Variants in VRK1 observed in about 807,000 individuals in gnomAD.
VRK1 encodes serine/threonine-protein kinase VRK1.
In VRK1, 33 loss-of-function variants were observed where a neutral mutation model predicts 57.1. That is an observed-to-expected ratio of 0.58 (90% confidence interval 0.44 to 0.77). The LOEUF (loss-of-function observed/expected upper bound fraction) is 0.77. VRK1 is among the 30% of genes least tolerant of loss of function. The pLI is 0.00. For synonymous variants in VRK1, 137 were observed against 147.8 expected (o/e 0.93, Z 0.53); for missense variants, 413 against 477.3 (o/e 0.87, Z 1.25).
chr14:96,814,539 T>C (rs1409279680), intron 1 of VRK1, among the ~76,000 whole-genome samples: 2 of 152,158 alleles, frequency 1.3e-5, no homozygotes, highest in Non-Finnish European at 2.9e-5. Flanking sequence ...ATAATAAATT[T>C]AGACAATATA....
intron 11 of VRK1, among the ~76,000 whole-genome samples, chr14:96,867,417 T>C (rs1189198661): frequency 2.0e-5 from 3 of 152,068 alleles, no homozygotes; most frequent in Admixed American, 1.3e-4. Context: ...GCTTCTTGCC[T>C]TTCTCTTTGT....
In VRK1 at chr14:96,833,497, C is replaced by T. The variant is rs771269721; in HGVS notation, c.26C>T (p.Ala9Val). 4.3e-6 allele frequency: 7 copies of T among 1,613,618 alleles called. No homozygotes were observed. Among genetic ancestry groups the T allele is most frequent in the Admixed American group, 3.3e-5 (2 of 59,990 alleles). Residue 9 changes from alanine to valine, a missense_variant, in exon 2 of 13, where the codon GCT becomes GTT. By Grantham distance (64) the Ala-to-Val change is moderately conservative. Coordinates refer to ENST00000216639, the MANE Select transcript of VRK1 (RefSeq NM_003384.3). Reference protein sequence around the residue: MPRVKAAQAGRQSSAKRHL... With the variant: MPRVKAAQVGRQSSAKRHL... Reference sequence around the variant, plus strand: ...ATGCCTCGTGTAAAAGCAGCTCAAGCTGGAAGACAGAGCTCTGCAAAGAGA... The same window carrying T: ...ATGCCTCGTGTAAAAGCAGCTCAAGTTGGAAGACAGAGCTCTGCAAAGAGA...
intron 3 of VRK1, among the ~76,000 whole-genome samples, chr14:96,841,013 G>T (rs1887439221): frequency 6.6e-6 from 1 of 151,812 alleles, no homozygotes; most frequent in Non-Finnish European, 1.5e-5. Flanking sequence ...GCACCACCAT[G>T]CCCGGCTAAT....
intron 1 of VRK1, among the ~76,000 whole-genome samples, chr14:96,818,182 A>C (rs1464975008): frequency 6.6e-6 from 1 of 152,186 alleles, no homozygotes; most frequent in Non-Finnish European, 1.5e-5. Context: ...TGTGTTTGCA[A>C]ATGTACCACA....
chr14:96,820,262 GC>G (rs1886549527), intron 1 of VRK1, among the ~76,000 whole-genome samples: 1 of 151,844 alleles, frequency 6.6e-6, no homozygotes, highest in South Asian at 2.1e-4. Context: ...AGCTTATGAG[GC>G]ATCCACTTAT....
chr14:96,853,026 G>C, intron 6 of VRK1, 48 bp from the exon 7 acceptor site: 1 of 1,606,412 alleles, frequency 6.2e-7, no homozygotes, highest in Non-Finnish European at 8.5e-7. Flanking sequence ...TCCTCTGCTG[G>C]CTGGTGTTAG....
intron 12 of VRK1, among the ~76,000 whole-genome samples, chr14:96,878,072 C>T (rs1490110610): frequency 1.2e-4 from 18 of 152,002 alleles, no homozygotes; most frequent in African/African-American, 3.9e-4. Flanking sequence ...TCAAAATTGC[C>T]GTTCTTAAAA....
intron 12 of VRK1, among the ~76,000 whole-genome samples, chr14:96,878,833 A>G (rs183090296): frequency 1.9e-4 from 29 of 152,300 alleles, no homozygotes; most frequent in Non-Finnish European, 3.4e-4. Flanking sequence ...GGAGCCTTTA[A>G]AAATCATGCA....
intron 1 of VRK1, among the ~76,000 whole-genome samples, chr14:96,832,996 C>T (rs532279271): frequency 1.3e-5 from 2 of 152,272 alleles, no homozygotes; most frequent in South Asian, 4.1e-4. Flanking sequence ...AAAGCATTTA[C>T]TAGCATGTCC....
intron 11 of VRK1, among the ~76,000 whole-genome samples, chr14:96,865,686 G>A (rs958385590): frequency 2.6e-5 from 4 of 151,308 alleles, no homozygotes; most frequent in African/African-American, 9.7e-5. Flanking sequence ...TCTCAGTCGT[G>A]TTTGTAGTCT....
intron 1 of VRK1, among the ~76,000 whole-genome samples, chr14:96,806,181 A>T (rs1171043528): frequency 6.6e-6 from 1 of 152,124 alleles, no homozygotes; most frequent in Non-Finnish European, 1.5e-5. Context: ...TGTATTTGTT[A>T]AGGGCAGGAT....
At chr14:96,855,117 T>C in intron 7 of VRK1, 107 bp from the exon 8 acceptor site, 1 of 1,544,750 alleles carries the variant, frequency 6.5e-7, no homozygotes, top group South Asian at 1.1e-5. Flanking sequence ...GGAATGACCT[T>C]GTAGGTGAAC....
At chr14:96,833,315 G>T (rs1474141435) in intron 1 of VRK1, among the ~76,000 whole-genome samples, 152 bp from the exon 2 acceptor site, 1 of 152,136 alleles carries the variant, frequency 6.6e-6, no homozygotes, top group Non-Finnish European at 1.5e-5. Context: ...TAGGATTTGA[G>T]CCATTATAAG....
intron 10 of VRK1, among the ~76,000 whole-genome samples, chr14:96,858,538 G>A (rs1377578630): frequency 2.0e-5 from 3 of 152,172 alleles, no homozygotes; most frequent in Non-Finnish European, 2.9e-5. Flanking sequence ...GCATACAGAT[G>A]TATAGTCTAC....
At chr14:96,818,405 T>G (rs921124638) in intron 1 of VRK1, among the ~76,000 whole-genome samples, 2 of 149,270 alleles carry the variant, frequency 1.3e-5, no homozygotes, top group African/African-American at 5.2e-5. Flanking sequence ...TTTTCTTTTC[T>G]GAAGATAGCC....
At chr14:96,851,648 A>G (rs1887954704) in intron 5 of VRK1, among the ~76,000 whole-genome samples, 1 of 152,294 alleles carries the variant, frequency 6.6e-6, no homozygotes, top group South Asian at 2.1e-4. Flanking sequence ...TATTGTTATC[A>G]TAGAAGCCTA....
chr14:96,855,575 C>G (rs1888122983), intron 8 of VRK1, among the ~76,000 whole-genome samples: 1 of 152,100 alleles, frequency 6.6e-6, no homozygotes, highest in South Asian at 2.1e-4. Context: ...CAAAGATAAC[C>G]AAGAAGGTGG....
At chr14:96,875,905 C>G in intron 11 of VRK1, 125 bp from the exon 12 acceptor site, 1 of 976,936 alleles carries the variant, frequency 1.0e-6, no homozygotes, top group East Asian at 2.6e-5. Flanking sequence ...GAATATTCTT[C>G]CTGTGTGTTT....
chr14:96,868,801 C>CT (rs34215586), intron 11 of VRK1, among the ~76,000 whole-genome samples: 1,387 of 124,300 alleles, frequency 0.011, 12 homozygotes, highest in Middle Eastern at 0.025. Context: ...CATTTCTGTG[C>CT]TTTTTTTTTT....
Sources: allele counts gnomAD v4.1 joint callset (sites outside exome capture counted in the v4.1 genomes callset), GRCh38; gene constraint gnomAD v4.1.1; transcripts MANE v1.5; gene names NCBI Gene and HGNC (gene_info 2026-07-23, HGNC 2026-07-21).